The following JARID2 variants were observed in gnomAD, a reference collection of about 807,000 sequenced individuals.
JARID2 encodes protein Jumonji.
Under a neutral mutation model 125.6 loss-of-function variants are expected in JARID2, and 21 were observed. The observed-to-expected ratio is 0.17, with a 90% CI of 0.12 to 0.24. JARID2 has a LOEUF of 0.24. Ranked by LOEUF, JARID2 falls within the 10% of genes least tolerant of loss-of-function variation. The pLI is 1.00. For missense variants in JARID2, 1,303 were observed against 1,639.6 expected (o/e 0.79, Z 3.55); for synonymous variants, 736 against 661.6 (o/e 1.11, Z -1.73).
chr6:15,487,381 G>T lies in JARID2; in HGVS notation c.745G>T (p.Ala249Ser), dbSNP rs1211851406. The T allele has an allele frequency of 1.9e-6, 3 of 1,614,108 alleles. No homozygotes were observed. In the Admixed American group the frequency reaches 5.0e-5, roughly 27 times the overall value. Residue 249 changes from alanine (A) to serine (S), a missense_variant, in exon 6 of 18, where the codon GCA (alanine) becomes TCA (serine). Ala to Ser is a moderately conservative substitution (Grantham distance 99). Coordinates refer to ENST00000341776, the MANE Select transcript of JARID2 (RefSeq NM_004973.4). ...QKHKSKEATP[A>S]KEKHSDHRAD... ...ACACAAAAGCAAAGAGGCCACTCCC[G>T]CAAAGGAGAAGCACAGCGATCACCG...
intron 2 of JARID2, among the ~76,000 whole-genome samples, chr6:15,391,807 CTT>C (rs1765020856): frequency 6.6e-6 from 1 of 152,158 alleles, no homozygotes; most frequent in Non-Finnish European, 1.5e-5. Context: ...CACTAGATCT[CTT>C]TGTCTCATTT....
chr6:15,471,772 C>T (rs1212320665), intron 5 of JARID2, among the ~76,000 whole-genome samples: 1 of 152,076 alleles, frequency 6.6e-6, no homozygotes, highest in Non-Finnish European at 1.5e-5. Context: ...CAGCATGTTA[C>T]ATGGAGCATA....
At chr6:15,280,663 C>G (rs1226036032) in intron 1 of JARID2, among the ~76,000 whole-genome samples, 4 of 147,016 alleles carry the variant, frequency 2.7e-5, no homozygotes, top group Admixed American at 6.8e-5. Flanking sequence ...GAGTCTCGCT[C>G]TGTTGCCCAG....
rs780008195 is a variant in JARID2, at chr6:15,468,604, G to A, written c.556G>A (p.Glu186Lys). 1 of 1,614,132 alleles carries A rather than the reference G, an allele frequency of 6.2e-7. No individual in the cohort carries two copies. Among genetic ancestry groups the A allele is most frequent in the East Asian group, 2.2e-5 (1 of 44,876 alleles). The change falls in exon 5 of 18, where the codon GAG becomes AAG. Residue 186 changes from glutamate to lysine, a missense_variant. By Grantham distance (56) the Glu-to-Lys change is moderately conservative. Coordinates refer to ENST00000341776, the MANE Select transcript of JARID2 (RefSeq NM_004973.4). The stretch of plus-strand genomic sequence containing the variant: ...AAGCTCTCAGGATGAGGAGGAAGTC[G>A]AGGAGGAAGATGATGAGACAGAAGA... ...FGSSQDEEEV[E>K]EEDDETEDVK...
intron 3 of JARID2, among the ~76,000 whole-genome samples, chr6:15,438,686 G>A (rs1767318093): frequency 6.6e-6 from 1 of 152,148 alleles, no homozygotes; most frequent in East Asian, 1.9e-4. Context: ...CTTGAAAAGA[G>A]CTAGGAAGCA....
intron 2 of JARID2, among the ~76,000 whole-genome samples, chr6:15,389,391 A>G (rs1764916547): frequency 1.3e-5 from 2 of 152,090 alleles, no homozygotes; most frequent in South Asian, 2.1e-4. Context: ...GTTATTTTTG[A>G]TAGTCTGCTT....
At chr6:15,299,736 G>T (rs1761538001) in intron 1 of JARID2, among the ~76,000 whole-genome samples, 1 of 152,158 alleles carries the variant, frequency 6.6e-6, no homozygotes, top group Admixed American at 6.5e-5. Flanking sequence ...TCCTCATTTG[G>T]CCGGAAGCTA....
chr6:15,426,090 AT>A (rs1197149707), intron 3 of JARID2, among the ~76,000 whole-genome samples: 1 of 152,142 alleles, frequency 6.6e-6, no homozygotes, highest in Non-Finnish European at 1.5e-5. Context: ...AGTTATAGTA[AT>A]AACATGATGA....
At chr6:15,450,397 T>G (rs965577489) in intron 3 of JARID2, among the ~76,000 whole-genome samples, 1 of 152,200 alleles carries the variant, frequency 6.6e-6, no homozygotes, top group Non-Finnish European at 1.5e-5. Flanking sequence ...CTGGAACTCC[T>G]GACCTCAGAT....
chr6:15,520,711 C>G lies in JARID2; in HGVS notation c.*460C>G, dbSNP rs1465352707. The G allele has an allele frequency of 4.4e-6, 2 of 453,654 alleles. No homozygotes were observed. Among genetic ancestry groups the G allele is most frequent in the Middle Eastern group, 3.3e-4 (1 of 3,056 alleles). 28.1% of individuals were successfully genotyped at this position (453,654 alleles called of 1,614,324 possible). On this transcript the variant is annotated 3_prime_UTR_variant, in exon 18 of 18. Coordinates refer to ENST00000341776, the MANE Select transcript of JARID2 (RefSeq NM_004973.4). ...CGCGCACACACACACACACACGAAA[C>G]TTGAAATGGCTTTGCTTTGGCTGTC...
chr6:15,466,515 G>A (rs1471694384), intron 4 of JARID2, among the ~76,000 whole-genome samples: 1 of 152,162 alleles, frequency 6.6e-6, no homozygotes, highest in African/African-American at 2.4e-5. Context: ...CTCTCCTAAT[G>A]GTATGACTGA....
intron 5 of JARID2, among the ~76,000 whole-genome samples, chr6:15,469,446 CTTTT>C (rs1420623762): frequency 7.5e-6 from 1 of 132,952 alleles, no homozygotes; most frequent in Non-Finnish European, 1.6e-5. Flanking sequence ...TCCTTTCTTT[CTTTT>C]GTGACGGAGT....
At chr6:15,260,962 C>T (rs1259087301) in intron 1 of JARID2, among the ~76,000 whole-genome samples, 1 of 152,154 alleles carries the variant, frequency 6.6e-6, no homozygotes, top group Non-Finnish European at 1.5e-5. Context: ...TTCCATGAGA[C>T]TTGCTGAAAT....
intron 6 of JARID2, among the ~76,000 whole-genome samples, chr6:15,491,053 C>T (rs1770127206): frequency 1.3e-5 from 2 of 152,230 alleles, no homozygotes; most frequent in Admixed American, 6.5e-5. Flanking sequence ...CAGAAAAATC[C>T]TGCCCTAGTA....
At chr6:15,481,963 C>T (rs956049576) in intron 5 of JARID2, among the ~76,000 whole-genome samples, 1 of 152,200 alleles carries the variant, frequency 6.6e-6, no homozygotes, top group Non-Finnish European at 1.5e-5. Flanking sequence ...TGGTACTCAC[C>T]GCTTTGCTGT....
intron 3 of JARID2, among the ~76,000 whole-genome samples, chr6:15,450,724 C>T (rs112123339): frequency 0.036 from 5,401 of 152,082 alleles, 142 homozygotes; most frequent in Non-Finnish European, 0.052. Context: ...GAGACCTTTA[C>T]GATTAGAGGA....
intron 1 of JARID2, among the ~76,000 whole-genome samples, chr6:15,353,792 T>C (rs1763508357): frequency 6.6e-6 from 1 of 152,222 alleles, no homozygotes; most frequent in Non-Finnish European, 1.5e-5. Flanking sequence ...TAGGGAAACG[T>C]AACAGAGATG....
chr6:15,368,118 G>A (rs1231811526), intron 1 of JARID2, among the ~76,000 whole-genome samples: 1 of 152,314 alleles, frequency 6.6e-6, no homozygotes, highest in African/African-American at 2.4e-5. Flanking sequence ...GTTTTTAAAA[G>A]TGTGGATCAT....
chr6:15,428,718 C>T (rs2127596659), intron 3 of JARID2, among the ~76,000 whole-genome samples: 1 of 152,130 alleles, frequency 6.6e-6, no homozygotes, highest in South Asian at 2.1e-4. Flanking sequence ...CCAGCCTGGC[C>T]AACATGGTGA....
Sources: allele counts gnomAD v4.1 joint callset (sites outside exome capture counted in the v4.1 genomes callset), GRCh38; gene constraint gnomAD v4.1.1; transcripts MANE v1.5; gene names NCBI Gene and HGNC (gene_info 2026-07-23, HGNC 2026-07-21).